ORM1: variants seen among roughly 807,000 people sequenced by gnomAD.
ORM1 encodes the protein alpha-1-acid glycoprotein 1.
ORM1 carries 13 observed loss-of-function variants against 26.9 expected under a neutral mutation model. The ratio of observed to expected loss-of-function variants is 0.48; its 90% CI spans 0.31 to 0.77. The LOEUF is 0.77. Among genes scored for constraint, ORM1 ranks in the 30% least tolerant of loss-of-function variants. ORM1 has a pLI of 0.04. For synonymous variants in ORM1, 76 were observed against 102.2 expected, an observed-to-expected ratio of 0.74 and a Z score of 1.55; for missense variants, 189 against 246.8, an observed-to-expected ratio of 0.77 and a Z score of 1.57.
intron 5 of ORM1, 117 bp downstream of exon 5, chr9:114,325,269 T>C (rs1829752706): frequency 9.0e-6 from 8 of 887,708 alleles, no homozygotes; most frequent in Non-Finnish European, 1.4e-5. Flanking sequence ...GATCTTCTGC[T>C]TTTAGGCACC....
Position 114,325,181 on chromosome 9 carries a change from C to G in ORM1, c.540+29C>G, listed in dbSNP as rs779579218. The G allele has an allele frequency of 4.4e-6, 7 of 1,603,736 alleles. No homozygotes were observed. The Middle Eastern group carries it at 8.3e-4, about 190-fold the overall frequency. ...AACGCAAGGGATTGGACAGTGCCCA[C>G]CTTGTCCATGGCCCAACTTGGGCAG... On this transcript the variant is annotated intron_variant, in intron 5 of 5. Coordinates refer to ENST00000259396, the MANE Select transcript of ORM1 (RefSeq NM_000607.4).
chr9:114,325,101 C>A lies in ORM1; in HGVS notation c.489C>A (p.Leu163=), dbSNP rs1298964483. Residue 163 remains leucine, a synonymous_variant, in exon 5 of 6, where the codon CTC becomes CTA. Transcript: ENST00000259396. ...AACTGGGAGAGTTCTACGAAGCTCT[C>A]GACTGCTTGCGCATTCCCAAGTCAG... ...KEQLGEFYEA[L]DCLRIPKSDV... is the part of the protein sequence containing the mutation. 5 of 1,613,878 alleles carry A rather than the reference C, an allele frequency of 3.1e-6. No homozygotes were observed. The Admixed American group carries it at 8.3e-5, about 27-fold the overall frequency.
In ORM1 at chr9:114,324,060, G is replaced by A. The variant is rs751892770; in HGVS notation, c.300G>A (p.Gln100=). Residue 100 remains glutamine, a synonymous_variant, in exon 3 of 6, where the codon CAG becomes CAA. Coordinates refer to ENST00000259396, the MANE Select transcript of ORM1 (RefSeq NM_000607.4). The part of the protein sequence containing the change: ...CIYNTTYLNV[Q]RENGTISRYV... ...ATAACACCACCTACCTGAATGTCCA[G>A]CGGGAAAATGGGACCATCTCCAGAT... is the stretch of plus-strand genomic sequence containing the variant. The A allele has an allele frequency of 1.2e-6, 2 of 1,614,092 alleles. No individual in the cohort carries two copies. The highest frequency in any genetic ancestry group is 1.1e-5 in the South Asian group (1 of 91,076).
intron 4 of ORM1, 24 bp from the exon 5 acceptor site, chr9:114,325,025 T>A: frequency 6.2e-7 from 1 of 1,611,024 alleles, no homozygotes; most frequent in Non-Finnish European, 8.5e-7. Context: ...ATGTCCCCAG[T>A]CAGTCTCCTT....
chr9:114,323,670 G>A lies in ORM1; in HGVS notation c.122G>A (p.Gly41Asp). ...CTCCCACCTTCTCCCCAGATCACTG[G>A]CAAGTGGTTTTATATCGCATCGGCC... ...ITNATLDRIT[G>D]KWFYIASAFR... Residue 41 changes from glycine to aspartate, a missense_variant, in exon 2 of 6, where the codon GGC becomes GAC. This residue lies in a region of ORM1 where 20 missense variants were observed against 64.2 expected (regional missense o/e 0.31). Transcript: ENST00000259396. 6.2e-7 allele frequency: 1 copy of A among 1,613,998 alleles called. No individual in the cohort carries two copies. The highest frequency in any genetic ancestry group is 2.2e-5 in the East Asian group (1 of 44,882).
At chr9:114,324,517 G>A (rs956120664) in intron 3 of ORM1, among the ~76,000 whole-genome samples, 5 of 152,178 alleles carry the variant, frequency 3.3e-5, no homozygotes, top group African/African-American at 9.7e-5. Context: ...AGCATCCCGA[G>A]CCTCCTCTCT....
intron 3 of ORM1, among the ~76,000 whole-genome samples, chr9:114,324,572 G>A (rs1351918126): frequency 6.6e-6 from 1 of 152,182 alleles, no homozygotes; most frequent in Non-Finnish European, 1.5e-5. Context: ...GGCCCTGACA[G>A]CCACGGTCTG....
chr9:114,324,870 G>A lies in ORM1; in HGVS notation c.409G>A (p.Glu137Lys), dbSNP rs1829744328. 1.2e-6 allele frequency: 2 copies of A among 1,614,168 alleles called. No individual in the cohort carries two copies. The highest frequency in any genetic ancestry group is 1.3e-5 in the African/African-American group (1 of 75,050). ...TYMLAFDVNDEKNWGLSVYAD... is the reference protein window; with the variant it reads ...TYMLAFDVNDKKNWGLSVYAD... Reference sequence around the variant, plus strand: ...CATGCTTGCTTTTGACGTGAACGATGAGAAGAACTGGGGGCTGTCTGTCTA... The same window carrying A: ...CATGCTTGCTTTTGACGTGAACGATAAGAAGAACTGGGGGCTGTCTGTCTA... Residue 137 changes from glutamate to lysine, a missense_variant, in exon 4 of 6, where the codon GAG becomes AAG. Glu to Lys is a moderately conservative substitution (Grantham distance 56, BLOSUM62 1). Coordinates refer to ENST00000259396, the MANE Select transcript of ORM1 (RefSeq NM_000607.4).
At chr9:114,323,964 T>A (rs1272528246) in intron 2 of ORM1, 54 bp from the exon 3 acceptor site, 1 of 1,605,956 alleles carries the variant, frequency 6.2e-7, no homozygotes, top group African/African-American at 1.3e-5. Flanking sequence ...GATGGGCGAT[T>A]GGCCACTTCT....
intron 2 of ORM1, 104 bp downstream of exon 2, chr9:114,323,909 G>A: frequency 6.2e-7 from 1 of 1,604,600 alleles, no homozygotes; most frequent in Non-Finnish European, 8.5e-7. Context: ...GGTGGAACCG[G>A]GAGGGCTGGC....
At position 114,325,165 on chromosome 9, in the gene ORM1, G is replaced by A. The variant is rs1325573393; in HGVS notation, c.540+13G>A. The A allele has an allele frequency of 6.2e-7, 1 of 1,612,720 alleles. No individual in the cohort carries two copies. Among genetic ancestry groups the A allele is most frequent in the Non-Finnish European group, 8.5e-7 (1 of 1,178,760 alleles). On this transcript the variant is annotated intron_variant, in intron 5 of 5. Transcript: ENST00000259396. Reference sequence around the variant, plus strand: ...CGATTGGAAAAAGGTAAACGCAAGGGATTGGACAGTGCCCACCTTGTCCAT... The same window carrying A: ...CGATTGGAAAAAGGTAAACGCAAGGAATTGGACAGTGCCCACCTTGTCCAT...
intron 5 of ORM1, 61 bp from the exon 6 acceptor site, chr9:114,326,231 C>T (rs926168079): frequency 4.4e-6 from 7 of 1,595,030 alleles, no homozygotes; most frequent in African/African-American, 1.4e-5. Flanking sequence ...CCCTGGAAGA[C>T]CTCCCACCCT....
intron 3 of ORM1, 43 bp from the exon 4 acceptor site, chr9:114,324,747 T>A: frequency 6.8e-7 from 1 of 1,481,296 alleles, no homozygotes; most frequent in Non-Finnish European, 9.4e-7. Flanking sequence ...GACACCATTG[T>A]GCCATCCCAT....
In ORM1 at chr9:114,324,726, C is replaced by T. The variant is rs115661757; in HGVS notation, c.329-64C>T. The T allele has an allele frequency of 2.7e-3, 3,666 of 1,358,590 alleles. 41 individuals carry two copies. Among genetic ancestry groups the T allele is most frequent in the African/African-American group, 0.019 (1,332 of 69,894 alleles). The allele number at this position is 1,358,590 out of a possible 1,614,324, so 84.2% of individuals were successfully genotyped here. A position where few individuals can be genotyped will look rare whatever the true frequency, so the allele number is the denominator to read the frequency against. ...CCACTGACACACCTAGGCCTCCTCA[C>T]CTGTAAGACAGACACCATTGTGCCA... On this transcript the variant is annotated intron_variant, in intron 3 of 5. Coordinates refer to ENST00000259396, the MANE Select transcript of ORM1 (RefSeq NM_000607.4).
Position 114,323,394 on chromosome 9 carries a change from C to A in ORM1, c.114+147C>A, listed in dbSNP as rs751589730. ...GTCCCCAGGGTGAAATTCTCACCAG[C>A]CCAGGGGACTCTGGAGGCACCCCCT... On this transcript the variant is annotated intron_variant, in intron 1 of 5. Coordinates refer to ENST00000259396, the MANE Select transcript of ORM1 (RefSeq NM_000607.4). 53 of 1,395,952 alleles carry A rather than the reference C, an allele frequency of 3.8e-5. No individual in the cohort carries two copies. The Admixed American group carries it at 9.8e-4, about 26-fold the overall frequency. 86.5% of individuals were successfully genotyped at this position (1,395,952 alleles called of 1,614,324 possible). A position where few individuals can be genotyped will look rare whatever the true frequency, so the allele number is the denominator to read the frequency against.
chr9:114,323,425 C>T lies in ORM1; in HGVS notation c.114+178C>T. 3.6e-6 allele frequency: 3 copies of T among 826,894 alleles called. No homozygotes were observed. The East Asian group carries it at 8.0e-5, about 22-fold the overall frequency. The allele number at this position is 826,894 out of a possible 1,614,324, so 51.2% of individuals were successfully genotyped here. A position where few individuals can be genotyped will look rare whatever the true frequency, so the allele number is the denominator to read the frequency against. ...GGACTCTGGAGGCACCCCCTGCCTC[C>T]AAACACAGAAGCCTCACTGCAGAGT... On this transcript the variant is annotated intron_variant, in intron 1 of 5. Coordinates refer to ENST00000259396, the MANE Select transcript of ORM1 (RefSeq NM_000607.4).
intron 2 of ORM1, 104 bp from the exon 3 acceptor site, chr9:114,323,914 G>C (rs368911434): frequency 4.4e-6 from 7 of 1,603,506 alleles, no homozygotes; most frequent in Middle Eastern, 1.7e-4. Flanking sequence ...AACCGGGAGG[G>C]CTGGCTTTAA....
chr9:114,325,233 G>T, intron 5 of ORM1, 81 bp downstream of exon 5: 1 of 1,345,842 alleles, frequency 7.4e-7, no homozygotes, highest in Non-Finnish European at 1.1e-6. Flanking sequence ...CAGGAGAGCT[G>T]CCAGGCAAGG....
At chr9:114,324,728 T>G in intron 3 of ORM1, 62 bp from the exon 4 acceptor site, 1 of 1,379,052 alleles carries the variant, frequency 7.3e-7, no homozygotes, top group East Asian at 2.3e-5. Flanking sequence ...CCTCCTCACC[T>G]GTAAGACAGA....
Sources: gnomAD v4.1 joint callset for allele counts (sites outside exome capture counted in the v4.1 genomes callset) on GRCh38, gnomAD v4.1.1 for gene constraint, gnomAD v4.1.1 regional missense constraint, MANE v1.5 for transcripts, NCBI Gene and HGNC (gene_info 2026-07-23, HGNC 2026-07-21) for gene names.